The following KCNMB3 variants were observed in gnomAD, a reference collection of about 807,000 sequenced individuals.
KCNMB3 encodes the protein calcium-activated potassium channel subunit beta-3.
A neutral mutation model predicts 11.9 loss-of-function variants in KCNMB3; 18 were observed. The ratio of observed to expected loss-of-function variants is 1.51; its 90% CI spans 1.04 to 2.23. The LOEUF (loss-of-function observed/expected upper bound fraction) is 2.23, where lower values mean the gene tolerates loss of function less well. Among genes scored for constraint, KCNMB3 ranks in the 30% most tolerant of loss-of-function variants. The pLI is 0.00. For synonymous variants in KCNMB3, 78 were observed against 119.2 expected, an observed-to-expected ratio of 0.65 and a Z score of 2.25; for missense variants, 247 against 329.4, an observed-to-expected ratio of 0.75 and a Z score of 1.94.
downstream of KCNMB3, chr3:179,240,156 T>G: frequency 1.2e-6 from 1 of 825,302 alleles, no homozygotes; most frequent in East Asian, 2.9e-5. Flanking sequence ...AATTCTCTTT[T>G]GCCATTCCTT....
upstream of KCNMB3, among the ~76,000 whole-genome samples, chr3:179,254,537 G>A (rs749881696): frequency 7.2e-5 from 11 of 152,266 alleles, no homozygotes; most frequent in Middle Eastern, 3.4e-3. Flanking sequence ...TAGGCCAGGC[G>A]CAATGGCTCA....
In KCNMB3 at chr3:179,260,700, G is replaced by A. The variant is rs1576963984; in HGVS notation, c.62+5949C>T. 9.3e-6 allele frequency: 13 copies of A among 1,400,554 alleles called. No individual in the cohort carries two copies. The East Asian group carries it at 3.0e-4, about 32-fold the overall frequency. 86.8% of individuals were successfully genotyped at this position (1,400,554 alleles called of 1,614,324 possible). A position where few individuals can be genotyped will look rare whatever the true frequency, so the allele number is the denominator to read the frequency against. The stretch of plus-strand genomic sequence containing the variant: ...TTTAGGATTATTCCATGTTTCTCGA[G>A]CATTTCCTCTGTTTGCTTCAGGGCC... On this transcript the variant is annotated intron_variant, in intron 1 of 3. Transcript: ENST00000349697.
intron 2 of KCNMB3, among the ~76,000 whole-genome samples, chr3:179,244,201 G>A (rs1386725234): frequency 6.6e-6 from 1 of 151,932 alleles, no homozygotes; most frequent in Non-Finnish European, 1.5e-5. Context: ...ATGTCATATG[G>A]CGCGGAGTGG....
intron 2 of KCNMB3, among the ~76,000 whole-genome samples, chr3:179,243,662 G>T (rs1241634450): frequency 6.6e-6 from 1 of 152,166 alleles, no homozygotes; most frequent in African/African-American, 2.4e-5. Flanking sequence ...GCTTAGTAAT[G>T]CCTCTGTTGT....
At position 179,259,884 on chromosome 3, in the gene KCNMB3, C is replaced by A. The variant is rs137919012; in HGVS notation, c.62+6765G>T. The A allele has an allele frequency of 2.3e-4, 379 of 1,613,536 alleles. 1 individual carries two copies. The East Asian group carries it at 6.9e-3, about 30-fold the overall frequency. On this transcript the variant is annotated intron_variant, in intron 1 of 3. Coordinates refer to the KCNMB3 transcript ENST00000349697. The stretch of plus-strand genomic sequence containing the variant: ...CTTGCTCTCAGTTCCTGCTGGAGAA[C>A]CAGGAACTTCTGTCTTGATTGGTTT...
At chr3:179,248,385 C>T (rs577076441) in intron 1 of KCNMB3, among the ~76,000 whole-genome samples, 1 of 152,312 alleles carries the variant, frequency 6.6e-6, no homozygotes, top group South Asian at 2.1e-4. Flanking sequence ...CAACACCACA[C>T]CCCCAAACCT....
chr3:179,251,651 T>C, upstream of KCNMB3: 1 of 1,244,434 alleles, frequency 8.0e-7, no homozygotes, highest in Non-Finnish European at 1.0e-6. Flanking sequence ...AACACAAAGG[T>C]CGCAAACCGG....
intron 1 of KCNMB3, chr3:179,260,621 T>C: frequency 7.3e-7 from 1 of 1,375,662 alleles, no homozygotes; most frequent in South Asian, 1.2e-5. Context: ...AGGATCTTGG[T>C]ATCAAACATT....
At chr3:179,265,255 A>C (rs1161026353) in intron 1 of KCNMB3, among the ~76,000 whole-genome samples, 3 of 152,072 alleles carry the variant, frequency 2.0e-5, no homozygotes, top group Non-Finnish European at 4.4e-5. Context: ...ATCTTATCCA[A>C]ACTCCTGTAT....
chr3:179,248,525 C>G (rs1024785720), intron 1 of KCNMB3, among the ~76,000 whole-genome samples: 5 of 152,044 alleles, frequency 3.3e-5, no homozygotes, highest in African/African-American at 1.2e-4. Flanking sequence ...CTTAGGAGTT[C>G]ACGACCAGCC....
At chr3:179,260,611 AG>A in intron 1 of KCNMB3, 1 of 1,424,640 alleles carries the variant, frequency 7.0e-7, no homozygotes, top group Non-Finnish European at 9.9e-7. Flanking sequence ...TCATCTTGGT[AG>A]GATCTTGGTA....
intron 1 of KCNMB3, among the ~76,000 whole-genome samples, chr3:179,247,101 A>G (rs1394175092): frequency 6.6e-6 from 1 of 152,192 alleles, no homozygotes; most frequent in African/African-American, 2.4e-5. Context: ...GAGAGAGATG[A>G]GAACTCACCA....
chr3:179,260,983 G>A (rs1048328777), intron 1 of KCNMB3: 15 of 983,728 alleles, frequency 1.5e-5, no homozygotes, highest in Admixed American at 1.5e-4. Context: ...TGGACGCCTC[G>A]GTGTCGATGG....
At chr3:179,248,562 TA>T (rs757484168) in intron 1 of KCNMB3, among the ~76,000 whole-genome samples, 35 of 151,898 alleles carry the variant, frequency 2.3e-4, no homozygotes, top group Non-Finnish European at 3.5e-4. Context: ...ATCCCATCTC[TA>T]CCAACAATTT....
rs1725579573 is a variant in KCNMB3 at position 179,244,718 on chromosome 3, T to C, written c.249-25A>G. On this transcript the variant is annotated intron_variant, in intron 1 of 2. Transcript: ENST00000392685. ...GCTTCAATTTGAAAAAAAAAAAATG[T>C]TCTTCACTTATTAGAAAATTTCATT... The C allele has an allele frequency of 2.6e-6, 4 of 1,564,204 alleles. No individual in the cohort carries two copies. The South Asian group carries it at 3.3e-5, about 13-fold the overall frequency.
chr3:179,265,390 G>C (rs1726345132), intron 1 of KCNMB3, among the ~76,000 whole-genome samples: 1 of 152,128 alleles, frequency 6.6e-6, no homozygotes, highest in South Asian at 2.1e-4. Flanking sequence ...CTCCACTAGA[G>C]CCAATAATAA....
At chr3:179,261,197 C>A in intron 1 of KCNMB3, 2 of 1,349,256 alleles carry the variant, frequency 1.5e-6, no homozygotes, top group East Asian at 5.3e-5. Context: ...TGCGGCGAGC[C>A]GGGCCTCCGC....
chr3:179,242,224 G>A (rs1443145632), downstream of KCNMB3: 1 of 152,098 alleles, frequency 6.6e-6, no homozygotes, highest in Non-Finnish European at 1.5e-5. Flanking sequence ...GTGAAACCCT[G>A]TCTACACTAA....
chr3:179,251,527 G>T (rs1213549425), upstream of KCNMB3: 3 of 1,355,778 alleles, frequency 2.2e-6, no homozygotes, highest in Admixed American at 3.4e-5. Context: ...TCATGGTTCT[G>T]CATAAGTGTC....
Sources: allele counts gnomAD v4.1 joint callset (sites outside exome capture counted in the v4.1 genomes callset), GRCh38; gene constraint gnomAD v4.1.1; transcripts MANE v1.5; gene names NCBI Gene and HGNC (gene_info 2026-07-23, HGNC 2026-07-21).